The following GNG2 variants were observed in gnomAD, a reference collection of about 807,000 sequenced individuals.
The protein encoded by GNG2 is guanine nucleotide-binding protein G(I)/G(S)/G(O) subunit gamma-2.
GNG2 carries 5 observed loss-of-function variants against 5.5 expected under a neutral mutation model. The observed-to-expected ratio is 0.91, with a 90% confidence interval of 0.48 to 1.92. The LOEUF (loss-of-function observed/expected upper bound fraction) is 1.92. GNG2 is among the 30% of genes most tolerant of loss of function. GNG2 has a pLI of 0.01. For missense variants in GNG2, 55 were observed against 88.4 expected (o/e 0.62, Z 1.52); for synonymous variants, 28 against 32.0 (o/e 0.88, Z 0.42).
At chr14:51,927,810 G>T (rs1483724414) in intron 2 of GNG2, among the ~76,000 whole-genome samples, 2 of 152,136 alleles carry the variant, frequency 1.3e-5, no homozygotes, top group African/African-American at 4.8e-5. Context: ...ACAGTGCTCT[G>T]TTATGTAAAG....
At chr14:51,828,055 A>G (rs1169281984) in intron 2 of GNG2, among the ~76,000 whole-genome samples, 1 of 152,184 alleles carries the variant, frequency 6.6e-6, no homozygotes, top group Admixed American at 6.5e-5. Flanking sequence ...TCTCGGGATG[A>G]GAGGCCTCGG....
Position 51,969,240 on chromosome 14 carries a change from A to T in GNG2, c.*2553A>T, listed in dbSNP as rs1371012437. The stretch of plus-strand genomic sequence containing the variant: ...ATGAAAATCTGCCGTGGAATTAACT[A>T]ATAAGTAGTAACAATAAACTTCATA... On this transcript the variant is annotated 3_prime_UTR_variant, in exon 4 of 4. Coordinates refer to ENST00000556766, the MANE Select transcript of GNG2 (RefSeq NM_053064.5). 3 of 152,212 alleles carry T rather than the reference A, an allele frequency of 2.0e-5. No individual in the cohort carries two copies. The highest frequency in any genetic ancestry group is 4.4e-5 in the Non-Finnish European group (3 of 68,032). The allele number at this position is 152,212 out of a possible 1,614,324, so 9.4% of individuals were successfully genotyped here.
At chr14:51,950,809 G>T (rs193225666) in intron 3 of GNG2, 44 bp downstream of exon 3, 2 of 1,215,330 alleles carry the variant, frequency 1.6e-6, no homozygotes, top group East Asian at 2.6e-5. Context: ...GTGAGTCTAA[G>T]GCGCATGTCA....
At chr14:51,857,580 G>C (rs913918257), upstream of GNG2, among the ~76,000 whole-genome samples, 10 of 152,190 alleles carry the variant, frequency 6.6e-5, no homozygotes, top group Admixed American at 6.5e-4. Context: ...TTCGAAGAGA[G>C]ACTGGAGGTA....
At chr14:51,879,683 A>G (rs1365393163) in intron 2 of GNG2, among the ~76,000 whole-genome samples, 1 of 152,144 alleles carries the variant, frequency 6.6e-6, no homozygotes, top group Non-Finnish European at 1.5e-5. Context: ...TTGCCTCTCC[A>G]TGCGTCTTTC....
At chr14:51,882,893 C>T (rs1884184132) in intron 2 of GNG2, among the ~76,000 whole-genome samples, 1 of 151,552 alleles carries the variant, frequency 6.6e-6, no homozygotes, top group Non-Finnish European at 1.5e-5. Flanking sequence ...GCCTGTAGTC[C>T]CAGCTACTTG....
intron 2 of GNG2, among the ~76,000 whole-genome samples, chr14:51,901,557 C>A (rs959015144): frequency 5.9e-5 from 9 of 152,032 alleles, no homozygotes; most frequent in African/African-American, 2.2e-4. Flanking sequence ...GTGACCATGG[C>A]GGGGTAGTGG....
At chr14:51,850,507 G>A (rs1285170668) in intron 2 of GNG2, among the ~76,000 whole-genome samples, 1 of 152,202 alleles carries the variant, frequency 6.6e-6, no homozygotes, top group Non-Finnish European at 1.5e-5. Flanking sequence ...GTTACTGACA[G>A]TCGGAGGAAA....
intron 1 of GNG2, among the ~76,000 whole-genome samples, chr14:51,874,873 G>A (rs371905690): frequency 9.2e-5 from 14 of 152,188 alleles, no homozygotes; most frequent in African/African-American, 3.4e-4. Flanking sequence ...TCTCATATGT[G>A]GAAAGAAGAT....
chr14:51,842,661 C>A (rs1034840847), intron 2 of GNG2, among the ~76,000 whole-genome samples: 1 of 145,844 alleles, frequency 6.9e-6, no homozygotes, highest in Non-Finnish European at 1.5e-5. Flanking sequence ...CAGTTATTTG[C>A]CAGAATTTTT....
intron 2 of GNG2, among the ~76,000 whole-genome samples, chr14:51,899,373 C>T (rs115212072): frequency 1.2e-4 from 18 of 152,010 alleles, no homozygotes; most frequent in South Asian, 4.2e-4. Flanking sequence ...ATAATAGTTC[C>T]GACATTAAAC....
At chr14:51,964,056 G>A (rs188230575) in intron 3 of GNG2, among the ~76,000 whole-genome samples, 3 of 152,214 alleles carry the variant, frequency 2.0e-5, no homozygotes, top group East Asian at 1.9e-4. Context: ...ACTGGATTAG[G>A]GTAACTCTAA....
chr14:51,870,718 C>T (rs919031612), intron 1 of GNG2, among the ~76,000 whole-genome samples: 4 of 152,186 alleles, frequency 2.6e-5, no homozygotes, highest in African/African-American at 7.2e-5. Context: ...TTTCCAGCTC[C>T]GGAGGCAGCA....
intron 1 of GNG2, among the ~76,000 whole-genome samples, chr14:51,862,845 A>G (rs1046014637): frequency 2.6e-5 from 4 of 152,270 alleles, no homozygotes; most frequent in Non-Finnish European, 4.4e-5. Context: ...TTTAGGAAAA[A>G]GATGAATATG....
chr14:51,872,448 T>C (rs184199695), intron 1 of GNG2, among the ~76,000 whole-genome samples: 119 of 152,306 alleles, frequency 7.8e-4, no homozygotes, highest in African/African-American at 2.7e-3. Flanking sequence ...GAAATCAACA[T>C]ATCAAAATTA....
At chr14:51,962,712 A>AT (rs1358251924) in intron 3 of GNG2, among the ~76,000 whole-genome samples, 9 of 152,134 alleles carry the variant, frequency 5.9e-5, no homozygotes, top group African/African-American at 2.2e-4. Context: ...AAAGGGAGAG[A>AT]TTTTCTGGAG....
At chr14:51,866,100 A>G (rs534150469) in intron 1 of GNG2, among the ~76,000 whole-genome samples, 24 of 152,284 alleles carry the variant, frequency 1.6e-4, no homozygotes, top group African/African-American at 5.8e-4. Context: ...TTAATGAAAA[A>G]GCTTTGAAAA....
intron 2 of GNG2, among the ~76,000 whole-genome samples, chr14:51,918,902 G>A (rs189294157): frequency 3.9e-5 from 6 of 152,256 alleles, no homozygotes; most frequent in East Asian, 1.9e-4. Flanking sequence ...TCAGCTCACC[G>A]CAACCTCCCC....
chr14:51,903,382 G>T (rs924780050), intron 2 of GNG2, among the ~76,000 whole-genome samples: 3 of 152,150 alleles, frequency 2.0e-5, no homozygotes, highest in African/African-American at 7.2e-5. Context: ...TTTGCTAGAT[G>T]CAATGCTCTG....
Sources: gnomAD v4.1 joint callset for allele counts (sites outside exome capture counted in the v4.1 genomes callset) on GRCh38, gnomAD v4.1.1 for gene constraint, MANE v1.5 for transcripts, NCBI Gene and HGNC (gene_info 2026-07-23, HGNC 2026-07-21) for gene names.